Variants in PPEF1 observed in about 807,000 individuals in gnomAD.
The protein encoded by PPEF1 is protein phosphatase with EF-hand domain 1.
PPEF1 carries 12 observed loss-of-function variants against 53.3 expected under a neutral mutation model. That is an observed-to-expected ratio of 0.23 (90% confidence interval 0.14 to 0.36). The LOEUF (loss-of-function observed/expected upper bound fraction) is 0.36. PPEF1 is among the 10% of genes least tolerant of loss of function. PPEF1 has a pLI of 1.00. For missense variants in PPEF1, 334 were observed against 490.4 expected (o/e 0.68, Z 3.01); for synonymous variants, 165 against 176.7 (o/e 0.93, Z 0.52).
upstream of PPEF1, among the ~76,000 whole-genome samples, chrX:18,704,540 A>T (rs1052806020): frequency 1.6e-4 from 18 of 110,781 alleles, no homozygotes; most frequent in African/African-American, 5.6e-4. Context: ...TTCCTAGATG[A>T]ACAGTGCCCC....
intron 6 of PPEF1, among the ~76,000 whole-genome samples, chrX:18,702,290 C>A (rs1344879747): frequency 3.6e-5 from 4 of 110,463 alleles, no homozygotes; most frequent in Non-Finnish European, 7.6e-5. Context: ...CTGCTTCACT[C>A]CCACTGTGGT....
At chrX:18,815,332 G>C (rs932466572) in intron 12 of PPEF1, among the ~76,000 whole-genome samples, 4 of 111,650 alleles carry the variant, frequency 3.6e-5, no homozygotes, top group African/African-American at 1.3e-4. Flanking sequence ...TCTGGTTTTT[G>C]TATCAAGGTA....
At chrX:18,729,038 G>T (rs774649498) in intron 1 of PPEF1, among the ~76,000 whole-genome samples, 2 of 111,892 alleles carry the variant, frequency 1.8e-5, no homozygotes, top group Admixed American at 9.5e-5. Context: ...TGGCTCAAAG[G>T]CTACCTTCCC....
chrX:18,821,788 AGAGAGAGAGAGAGAG>A lies in PPEF1; in HGVS notation c.1502-2134_1502-2120del, dbSNP rs1569273842. The stretch of plus-strand genomic sequence containing the variant: ...GAGAGAGAGAGAGAGAGAGAGAGAG[AGAGAGAGAGAGAGAG>A]AAAACAAATAACCAGTGCAAGTGTA... On this transcript the variant is annotated intron_variant, in intron 13 of 15. Coordinates refer to ENST00000470157, the MANE Select transcript of PPEF1 (RefSeq NM_001377996.1). Among the ~76,000 whole-genome samples the A allele has an allele frequency of 5.4e-4, 55 of 102,784 alleles. 1 individual carries two copies. Among genetic ancestry groups the A allele is most frequent in the African/African-American group, 1.9e-3 (51 of 27,468 alleles). The allele number at this position is 102,784 out of a possible 115,157, so 89.3% of individuals were successfully genotyped here.
At chrX:18,676,572 G>A (rs1928684247) in intron 1 of PPEF1, among the ~76,000 whole-genome samples, 1 of 111,124 alleles carries the variant, frequency 9.0e-6, no homozygotes, top group African/African-American at 3.3e-5. Context: ...CCAGCCACCG[G>A]CCGGAGGATA....
At chrX:18,799,651 G>C (rs768621299) in intron 10 of PPEF1, among the ~76,000 whole-genome samples, 46 of 111,584 alleles carry the variant, frequency 4.1e-4, no homozygotes, top group Non-Finnish European at 1.3e-4. Flanking sequence ...TTAGATTGAG[G>C]AGATTTAAAA....
chrX:18,712,917 T>C (rs2044360402), intron 1 of PPEF1, among the ~76,000 whole-genome samples: 1 of 112,303 alleles, frequency 8.9e-6, no homozygotes, highest in South Asian at 3.7e-4. Flanking sequence ...ATAATGTTAA[T>C]TAAATGGCAC....
chrX:18,756,568 A>G (rs2045554359), intron 4 of PPEF1, among the ~76,000 whole-genome samples: 1 of 112,307 alleles, frequency 8.9e-6, no homozygotes, highest in Non-Finnish European at 1.9e-5. Context: ...TCAAGTGGTT[A>G]TTTAACCTGA....
At chrX:18,814,588 G>A (rs1232840990) in intron 12 of PPEF1, among the ~76,000 whole-genome samples, 1 of 111,984 alleles carries the variant, frequency 8.9e-6, no homozygotes, top group Non-Finnish European at 1.9e-5. Flanking sequence ...TTGCTCTGAG[G>A]TTCAGTGATG....
intron 13 of PPEF1, among the ~76,000 whole-genome samples, chrX:18,819,294 C>G (rs1434375626): frequency 1.8e-5 from 2 of 111,604 alleles, no homozygotes; most frequent in East Asian, 5.6e-4. Context: ...GAAGAAAAAC[C>G]AAAGAGATAG....
At chrX:18,768,772 A>G (rs931099746) in intron 6 of PPEF1, among the ~76,000 whole-genome samples, 6 of 112,303 alleles carry the variant, frequency 5.3e-5, no homozygotes, top group African/African-American at 1.6e-4. Context: ...ATCACAGTTT[A>G]GTGGGGAAGG....
At chrX:18,796,159 T>A (rs1178146999) in intron 10 of PPEF1, among the ~76,000 whole-genome samples, 1 of 112,190 alleles carries the variant, frequency 8.9e-6, no homozygotes, top group African/African-American at 3.2e-5. Flanking sequence ...TTTCACCATA[T>A]TGGTCAGGCT....
intron 1 of PPEF1, among the ~76,000 whole-genome samples, chrX:18,729,539 A>G (rs991933848): frequency 2.7e-5 from 3 of 111,948 alleles, no homozygotes; most frequent in Non-Finnish European, 3.8e-5. Context: ...TGTTTTTAAG[A>G]CCTACTGGTT....
chrX:18,746,968 G>T (rs1054600856), intron 3 of PPEF1, among the ~76,000 whole-genome samples: 1 of 111,645 alleles, frequency 9.0e-6, no homozygotes, highest in African/African-American at 3.3e-5. Flanking sequence ...GCTTAGAACA[G>T]TGCCTGGCAC....
chrX:18,740,733 T>C (rs2045134136), intron 3 of PPEF1, among the ~76,000 whole-genome samples: 1 of 111,424 alleles, frequency 9.0e-6, no homozygotes, highest in Non-Finnish European at 1.9e-5. Context: ...TCTGTCTGTC[T>C]GTCTACCTAT....
chrX:18,697,220 A>T (rs1353476829), intron 4 of PPEF1, among the ~76,000 whole-genome samples: 1 of 111,834 alleles, frequency 8.9e-6, no homozygotes, highest in African/African-American at 3.3e-5. Context: ...GTTTATTTGG[A>T]AGGCAGGAGC....
At chrX:18,725,797 A>G (rs187263062) in intron 1 of PPEF1, among the ~76,000 whole-genome samples, 1 of 111,130 alleles carries the variant, frequency 9.0e-6, no homozygotes, top group African/African-American at 3.3e-5. Flanking sequence ...CTGACTTTGG[A>G]GTAGAAGAGG....
intron 1 of PPEF1, among the ~76,000 whole-genome samples, chrX:18,712,334 C>T (rs2044349378): frequency 9.0e-6 from 1 of 111,606 alleles, no homozygotes; most frequent in Non-Finnish European, 1.9e-5. Flanking sequence ...ATTTCTTTCA[C>T]CAGTGTCTTG....
At chrX:18,697,927 A>G (rs1354188788) in exon 5 of PPEF1, 2 of 111,214 alleles carry the variant, frequency 1.8e-5, no homozygotes, top group Admixed American at 9.6e-5. Flanking sequence ...TTGCAAACAC[A>G]CAAGGTGCTG....
Sources: gnomAD v4.1 joint callset for allele counts (sites outside exome capture counted in the v4.1 genomes callset) on GRCh38, gnomAD v4.1.1 for gene constraint, MANE v1.5 for transcripts, NCBI Gene and HGNC (gene_info 2026-07-23, HGNC 2026-07-21) for gene names.